RBPMS: variants seen among roughly 807,000 people sequenced by gnomAD.
RBPMS encodes the protein RNA-binding protein with multiple splicing.
In RBPMS, 7 loss-of-function variants were observed where a neutral mutation model predicts 26.8. The ratio of observed to expected loss-of-function variants is 0.26; its 90% CI spans 0.15 to 0.49. RBPMS has a LOEUF of 0.49. Among genes scored for constraint, RBPMS ranks in the 20% least tolerant of loss-of-function variants. The pLI is 0.98. For synonymous variants in RBPMS, 96 were observed against 93.3 expected (o/e 1.03, Z -0.17); for missense variants, 186 against 250.0 (o/e 0.74, Z 1.73).
intron 1 of RBPMS, among the ~76,000 whole-genome samples, chr8:30,443,635 C>T (rs970350732): frequency 3.3e-5 from 5 of 151,958 alleles, no homozygotes; most frequent in Non-Finnish European, 7.4e-5. Context: ...CGCTCTGTTG[C>T]CCAGGCTGGA....
intron 1 of RBPMS, among the ~76,000 whole-genome samples, chr8:30,410,143 TACACACACACAC>T (rs34489233): frequency 0.01 from 1,338 of 132,198 alleles, 5 homozygotes; most frequent in African/African-American, 0.023. Flanking sequence ...TGACTTAAAA[TACACACACACAC>T]ACACACACAC....
At chr8:30,506,336 T>TAAAAAAAAAAAAAAAAAAAAAAA (rs34344286) in intron 5 of RBPMS, among the ~76,000 whole-genome samples, 1 of 132,132 alleles carries the variant, frequency 7.6e-6, no homozygotes, top group Non-Finnish European at 1.6e-5. Context: ...ATTTGAAGTT[T>TAAAAAAAAAAAAAAAAAAAAAAA]AAAAAAAAAA....
At chr8:30,442,539 C>T (rs1288975883) in intron 1 of RBPMS, 1 of 152,150 alleles carries the variant, frequency 6.6e-6, no homozygotes, top group African/African-American at 2.4e-5. Flanking sequence ...ATTGCATTCT[C>T]CCACCCCCGC....
intron 5 of RBPMS, 62 bp downstream of exon 5, chr8:30,504,498 G>A (rs1018277910): frequency 6.5e-7 from 1 of 1,532,274 alleles, no homozygotes; most frequent in African/African-American, 1.4e-5. Context: ...TGTGCTGCAT[G>A]TGAGGTTACA....
chr8:30,556,904 G>GCC (rs977621258), intron 6 of RBPMS: 4 of 303,000 alleles, frequency 1.3e-5, no homozygotes, highest in African/African-American at 1.2e-4. Context: ...CCCCACTCTT[G>GCC]CCCTCCTTCT....
At chr8:30,446,280 T>G (rs1036079487) in intron 1 of RBPMS, among the ~76,000 whole-genome samples, 2 of 152,188 alleles carry the variant, frequency 1.3e-5, no homozygotes, top group African/African-American at 2.4e-5. Context: ...TTTTTAGCAG[T>G]CTCACAGTGT....
intron 1 of RBPMS, among the ~76,000 whole-genome samples, chr8:30,389,809 A>C (rs1164128031): frequency 6.6e-6 from 1 of 152,078 alleles, no homozygotes; most frequent in Non-Finnish European, 1.5e-5. Context: ...ATTATATATA[A>C]ATTCATATTT....
At chr8:30,561,342 G>A (rs566467799) in intron 7 of RBPMS, among the ~76,000 whole-genome samples, 32 of 152,242 alleles carry the variant, frequency 2.1e-4, no homozygotes, top group South Asian at 4.1e-4. Context: ...GAACCTCCCC[G>A]TTACCATGGT....
chr8:30,460,906 C>G (rs983274904), intron 1 of RBPMS, among the ~76,000 whole-genome samples: 1 of 152,012 alleles, frequency 6.6e-6, no homozygotes, highest in African/African-American at 2.4e-5. Flanking sequence ...AAAAAATTAG[C>G]CAGGCATGGT....
At chr8:30,388,671 T>G (rs1807420434) in intron 1 of RBPMS, among the ~76,000 whole-genome samples, 1 of 151,880 alleles carries the variant, frequency 6.6e-6, no homozygotes, top group African/African-American at 2.4e-5. Flanking sequence ...ACTTATTTGT[T>G]GGTCACTGAA....
rs200034214 is a variant in RBPMS at position 30,497,437 on chromosome 8, G to A, written c.247-6849G>A. On this transcript the variant is annotated intron_variant, in intron 4 of 8. Transcript: ENST00000397323. ...TGCACACCTATAATCCCAGCTACTC[G>A]GGAGGCTGAGGCATGAGAATTGCTT... Among the ~76,000 whole-genome samples the A allele has an allele frequency of 3.9e-5, 6 of 151,984 alleles. No homozygotes were observed. In the East Asian group the frequency reaches 9.6e-4, roughly 24 times the overall value.
intron 7 of RBPMS, among the ~76,000 whole-genome samples, chr8:30,561,347 C>T (rs140875635): frequency 1.3e-5 from 2 of 152,174 alleles, no homozygotes; most frequent in Non-Finnish European, 2.9e-5. Context: ...TCCCCGTTAC[C>T]ATGGTGCCCA....
At chr8:30,495,762 C>G (rs929971050) in intron 4 of RBPMS, among the ~76,000 whole-genome samples, 1 of 152,166 alleles carries the variant, frequency 6.6e-6, no homozygotes, top group Non-Finnish European at 1.5e-5. Context: ...TTACATCTGA[C>G]GGATTCTTTC....
At chr8:30,477,350 C>A (rs1475474774) in intron 2 of RBPMS, among the ~76,000 whole-genome samples, 1 of 152,146 alleles carries the variant, frequency 6.6e-6, no homozygotes, top group African/African-American at 2.4e-5. Flanking sequence ...CACCCAGCCC[C>A]AACTATATTC....
chr8:30,424,283 T>C (rs1006301729), intron 1 of RBPMS, among the ~76,000 whole-genome samples: 1 of 152,228 alleles, frequency 6.6e-6, no homozygotes, highest in African/African-American at 2.4e-5. Flanking sequence ...TCTTCTTGAA[T>C]AAATTGGGAA....
At chr8:30,569,230 A>C (rs1034151898) in intron 8 of RBPMS, among the ~76,000 whole-genome samples, 1 of 152,194 alleles carries the variant, frequency 6.6e-6, no homozygotes, top group Non-Finnish European at 1.5e-5. Flanking sequence ...TAAATGACCC[A>C]CCACTCCTGT....
At chr8:30,535,289 T>A (rs1344108908) in intron 5 of RBPMS, among the ~76,000 whole-genome samples, 1 of 152,250 alleles carries the variant, frequency 6.6e-6, no homozygotes, top group Non-Finnish European at 1.5e-5. Flanking sequence ...TTTTCTTGAA[T>A]ATGTTCTGTG....
intron 5 of RBPMS, among the ~76,000 whole-genome samples, chr8:30,507,004 A>G (rs1306531237): frequency 1.3e-5 from 2 of 152,206 alleles, no homozygotes; most frequent in African/African-American, 4.8e-5. Flanking sequence ...ACTTGGCCCC[A>G]TATGAAGGAC....
At chr8:30,516,912 A>ACACACACACACACACACACACT (rs1235361705) in intron 5 of RBPMS, among the ~76,000 whole-genome samples, 7 of 151,666 alleles carry the variant, frequency 4.6e-5, no homozygotes, top group Non-Finnish European at 1.0e-4. Context: ...ATACACACAC[A>ACACACACACACACACACACACT]CACACACACA....
Sources: gnomAD v4.1 joint callset for allele counts (sites outside exome capture counted in the v4.1 genomes callset) on GRCh38, gnomAD v4.1.1 for gene constraint, MANE v1.5 for transcripts, NCBI Gene and HGNC (gene_info 2026-07-23, HGNC 2026-07-21) for gene names.